Variants in GRIK1 observed in about 807,000 individuals in gnomAD.
GRIK1 encodes the protein glutamate receptor ionotropic, kainate 1.
A neutral mutation model predicts 105.7 loss-of-function variants in GRIK1; 69 were observed. The observed-to-expected ratio is 0.65, with a 90% CI of 0.54 to 0.80. The LOEUF is 0.80. Among genes scored for constraint, GRIK1 ranks in the 30% least tolerant of loss-of-function variants. The pLI, the probability that GRIK1 is intolerant of heterozygous loss-of-function variation, is 0.00. For synonymous variants in GRIK1, 438 were observed against 431.3 expected, an observed-to-expected ratio of 1.02 and a Z score of -0.19; for missense variants, 1,109 against 1,167.3, an observed-to-expected ratio of 0.95 and a Z score of 0.73.
At chr21:29,859,736 T>C (rs1056015608) in intron 1 of GRIK1, among the ~76,000 whole-genome samples, 1 of 152,212 alleles carries the variant, frequency 6.6e-6, no homozygotes, top group African/African-American at 2.4e-5. Flanking sequence ...AAGCACCACA[T>C]TATTATCTTG....
At chr21:29,560,450 C>A (rs59120415) in intron 15 of GRIK1, among the ~76,000 whole-genome samples, 1 of 97,744 alleles carries the variant, frequency 1.0e-5, no homozygotes. Flanking sequence ...TTTCTTTCTC[C>A]CTTTCTTTCC....
intron 14 of GRIK1, among the ~76,000 whole-genome samples, chr21:29,565,686 G>A (rs139451700): frequency 0.037 from 5,677 of 152,208 alleles, 345 homozygotes; most frequent in African/African-American, 0.13. Flanking sequence ...CACCTGCCTC[G>A]GCCTCCCAAA....
At chr21:29,775,178 T>C (rs1388275636) in intron 1 of GRIK1, among the ~76,000 whole-genome samples, 1 of 148,566 alleles carries the variant, frequency 6.7e-6, no homozygotes, top group Non-Finnish European at 1.5e-5. Flanking sequence ...TTAGCCGGCA[T>C]GCACCTGTAA....
intron 7 of GRIK1, among the ~76,000 whole-genome samples, chr21:29,636,948 T>A (rs916774220): frequency 6.6e-6 from 1 of 152,188 alleles, no homozygotes; most frequent in Non-Finnish European, 1.5e-5. Context: ...TCACTCCATC[T>A]GGGCCCAACA....
At chr21:29,819,316 A>T (rs563700264) in intron 1 of GRIK1, among the ~76,000 whole-genome samples, 1 of 152,234 alleles carries the variant, frequency 6.6e-6, no homozygotes, top group African/African-American at 2.4e-5. Context: ...CTGGCTGCTT[A>T]GAAGCACTCA....
chr21:29,823,433 T>C (rs2067359984), intron 1 of GRIK1, among the ~76,000 whole-genome samples: 1 of 151,990 alleles, frequency 6.6e-6, no homozygotes, highest in Non-Finnish European at 1.5e-5. Context: ...ATAAGCTATA[T>C]ATTCTTACAT....
chr21:29,746,875 C>T (rs1020204376), intron 1 of GRIK1, among the ~76,000 whole-genome samples: 12 of 152,102 alleles, frequency 7.9e-5, no homozygotes, highest in Non-Finnish European at 1.8e-4. Flanking sequence ...CATTTTTTCC[C>T]TACTCAAGGT....
intron 1 of GRIK1, among the ~76,000 whole-genome samples, chr21:29,742,894 T>G (rs973544340): frequency 6.6e-6 from 1 of 152,228 alleles, no homozygotes; most frequent in Non-Finnish European, 1.5e-5. Flanking sequence ...GCTTCTAAAT[T>G]TCCACAAACA....
intron 16 of GRIK1, among the ~76,000 whole-genome samples, chr21:29,546,577 CT>C (rs1208278810): frequency 2.1e-4 from 32 of 152,348 alleles, no homozygotes; most frequent in African/African-American, 7.7e-4. Flanking sequence ...ACCTTTGTGA[CT>C]TTCCTCCAAT....
intron 13 of GRIK1, among the ~76,000 whole-genome samples, chr21:29,578,540 A>T (rs1882623496): frequency 6.6e-6 from 1 of 152,190 alleles, no homozygotes; most frequent in South Asian, 2.1e-4. Flanking sequence ...TAACGGATAT[A>T]TTCTCCTAAT....
Position 29,893,790 on chromosome 21 carries a change from A to G in GRIK1, c.118+45593T>C, listed in dbSNP as rs143384099. On this transcript the variant is annotated intron_variant, in intron 1 of 17. Transcript: ENST00000327783. ...GTAACAACTACAATTCAGTGTGATA[A>G]GTACTAGCATGGAGGTTGCCCCATC... is the stretch of plus-strand genomic sequence containing the variant. 2.0e-5 allele frequency among the ~76,000 whole-genome samples: 3 copies of G among 152,316 alleles called. No homozygotes were observed. In the East Asian group the frequency reaches 5.8e-4, roughly 29 times the overall value.
intron 1 of GRIK1, among the ~76,000 whole-genome samples, chr21:29,865,891 C>T (rs116744672): frequency 0.013 from 1,960 of 152,266 alleles, 45 homozygotes; most frequent in African/African-American, 0.044. Flanking sequence ...TCGTTTGTGA[C>T]GATGGCAAAA....
At chr21:29,674,433 G>A (rs16984760) in intron 3 of GRIK1, among the ~76,000 whole-genome samples, 3,560 of 151,970 alleles carry the variant, frequency 0.023, 124 homozygotes, top group African/African-American at 0.08. Context: ...TGGGAGGGTG[G>A]TTGCTGTAGA....
intron 1 of GRIK1, among the ~76,000 whole-genome samples, chr21:29,804,590 C>T (rs1173344995): frequency 5.3e-5 from 8 of 152,094 alleles, no homozygotes; most frequent in Admixed American, 5.2e-4. Flanking sequence ...GTTTTTTGCA[C>T]TGTATGATAG....
At chr21:29,604,095 C>T (rs1363537109) in intron 7 of GRIK1, among the ~76,000 whole-genome samples, 1 of 152,144 alleles carries the variant, frequency 6.6e-6, no homozygotes, top group African/African-American at 2.4e-5. Context: ...GATCAGAAAT[C>T]CAATTTCATT....
chr21:29,685,760 G>T (rs759439057), intron 3 of GRIK1, among the ~76,000 whole-genome samples: 1 of 152,110 alleles, frequency 6.6e-6, no homozygotes, highest in African/African-American at 2.4e-5. Context: ...AAAAAGACTG[G>T]AAAGTTCTCA....
At chr21:29,754,918 A>G (rs2065297056) in intron 1 of GRIK1, among the ~76,000 whole-genome samples, 1 of 152,086 alleles carries the variant, frequency 6.6e-6, no homozygotes, top group Non-Finnish European at 1.5e-5. Flanking sequence ...CTCCACAGTC[A>G]TGTAGGCCAA....
intron 1 of GRIK1, among the ~76,000 whole-genome samples, chr21:29,924,106 G>A (rs560757016): frequency 3.9e-5 from 6 of 152,188 alleles, no homozygotes; most frequent in South Asian, 2.1e-4. Flanking sequence ...TTGGGAGGCC[G>A]AGATGAGTGG....
chr21:29,686,920 G>T (rs540868352), intron 3 of GRIK1, among the ~76,000 whole-genome samples: 1 of 152,316 alleles, frequency 6.6e-6, no homozygotes, highest in East Asian at 1.9e-4. Context: ...ATGAGGGGAG[G>T]TCAATGGGCA....
Sources: allele counts gnomAD v4.1 joint callset (sites outside exome capture counted in the v4.1 genomes callset), GRCh38; gene constraint gnomAD v4.1.1; transcripts MANE v1.5; gene names NCBI Gene and HGNC (gene_info 2026-07-23, HGNC 2026-07-21).